Variants in C2orf49 observed in about 807,000 individuals in gnomAD.
The protein encoded by C2orf49 is tRNA splicing ligase complex subunit 2.
In C2orf49, 11 loss-of-function variants were observed where a neutral mutation model predicts 20.6. The observed-to-expected ratio is 0.53, with a 90% CI of 0.34 to 0.88. C2orf49 has a LOEUF of 0.88. Ranked by LOEUF, C2orf49 falls within the 40% of genes least tolerant of loss-of-function variation. The pLI, the probability that C2orf49 is intolerant of heterozygous loss-of-function variation, is 0.02. For missense variants in C2orf49, 289 were observed against 274.2 expected (o/e 1.05, Z -0.38); for synonymous variants, 134 against 108.5 (o/e 1.24, Z -1.46).
chr2:105,355,085 C>T, the C2orf49 span, among the ~76,000 whole-genome samples: 1 of 152,182 alleles, frequency 6.6e-6, no homozygotes, highest in African/African-American at 2.4e-5. Context: ...GAAGTCAAAT[C>T]TCTGAGTGTT....
chr2:105,383,226 C>T, the C2orf49 span, among the ~76,000 whole-genome samples: 63,083 of 152,046 alleles, frequency 0.41, 13,328 homozygotes, highest in East Asian at 0.51. Context: ...AAGCCCAGAA[C>T]GTAGGCAGAT....
chr2:105,350,916 T>A (rs549268221), downstream of C2orf49, among the ~76,000 whole-genome samples: 112 of 152,318 alleles, frequency 7.4e-4, 2 homozygotes, highest in African/African-American at 2.4e-3. Flanking sequence ...TTTCTGAGTT[T>A]TTCCCTAATA....
chr2:105,369,467 A>C, the C2orf49 span, among the ~76,000 whole-genome samples: 1 of 152,222 alleles, frequency 6.6e-6, no homozygotes, highest in East Asian at 1.9e-4. Flanking sequence ...AAGACCAGAC[A>C]TTTGAGATTA....
chr2:105,384,858 A>G, the C2orf49 span, among the ~76,000 whole-genome samples: 1 of 152,156 alleles, frequency 6.6e-6, no homozygotes, highest in Non-Finnish European at 1.5e-5. Flanking sequence ...AGGGTCAAGT[A>G]ACTGACCCAA....
At chr2:105,356,795 A>G in the C2orf49 span, among the ~76,000 whole-genome samples, 1 of 152,254 alleles carries the variant, frequency 6.6e-6, no homozygotes. Flanking sequence ...GAGTTTTCTC[A>G]TTATCTTTGG....
At chr2:105,360,056 G>T in the C2orf49 span, 2 of 152,438 alleles carry the variant, frequency 1.3e-5, no homozygotes, top group Admixed American at 6.5e-5. Context: ...TATAATCCCA[G>T]CACTTTGGGG....
chr2:105,363,780 A>G, the C2orf49 span, among the ~76,000 whole-genome samples: 1 of 152,186 alleles, frequency 6.6e-6, no homozygotes, highest in East Asian at 1.9e-4. Context: ...TGAGCAGGGA[A>G]GCAGCACAGT....
At chr2:105,362,567 C>T in the C2orf49 span, among the ~76,000 whole-genome samples, 2 of 152,216 alleles carry the variant, frequency 1.3e-5, no homozygotes, top group African/African-American at 2.4e-5. Flanking sequence ...CTGAATGCAA[C>T]GGGATTGCAA....
At chr2:105,382,973 C>T in the C2orf49 span, among the ~76,000 whole-genome samples, 1 of 152,212 alleles carries the variant, frequency 6.6e-6, no homozygotes, top group Non-Finnish European at 1.5e-5. Context: ...GCAACCTCTA[C>T]CTTCCAGGTT....
In C2orf49 at chr2:105,343,148, G is replaced by T. The variant is rs746030963; in HGVS notation, c.567G>T (p.Ser189=). The change falls in exon 3 of 4, where the codon TCG becomes TCT. Residue 189 remains serine, a synonymous_variant. Coordinates refer to ENST00000258457, the MANE Select transcript of C2orf49 (RefSeq NM_024093.3). ...HRKSPSGPVK[S]PPLSPVGTTP... ...AAAGTCCTTCAGGCCCTGTGAAGTC[G>T]CCACCATTGTCCCCTGTTGGAACTA... 1 of 1,614,068 alleles carries T rather than the reference G, an allele frequency of 6.2e-7. No individual in the cohort carries two copies. The highest frequency in any genetic ancestry group is 2.2e-5 in the East Asian group (1 of 44,884).
the C2orf49 span, among the ~76,000 whole-genome samples, chr2:105,372,677 T>C: frequency 6.6e-6 from 1 of 152,112 alleles, no homozygotes; most frequent in Non-Finnish European, 1.5e-5. Flanking sequence ...TAGTCTCAGC[T>C]ACTTAGGAGG....
rs1390382705 is a variant in C2orf49, at chr2:105,346,520, G to C, written c.*1149G>C. ...TTGATTTAAAAAGTCTTCAGGCAGA[G>C]TAATCATGTTAGAGGTGGTATTCGA... On this transcript the variant is annotated 3_prime_UTR_variant, in exon 4 of 4. Transcript: ENST00000258457. 6.6e-6 allele frequency: 1 copy of C among 152,228 alleles called. No individual in the cohort carries two copies. The highest frequency in any genetic ancestry group is 1.5e-5 in the Non-Finnish European group (1 of 68,046). 9.4% of individuals were successfully genotyped at this position (152,228 alleles called of 1,614,324 possible).
intron 1 of C2orf49, 76 bp downstream of exon 1, chr2:105,337,762 T>C (rs1679541975): frequency 7.4e-7 from 1 of 1,345,422 alleles, no homozygotes; most frequent in East Asian, 2.5e-5. Context: ...TTGCCTTAAG[T>C]AGCCCTCGGC....
chr2:105,341,234 GC>G (rs1454419013), intron 2 of C2orf49, among the ~76,000 whole-genome samples: 2 of 152,288 alleles, frequency 1.3e-5, no homozygotes, highest in African/African-American at 4.8e-5. Context: ...GTTCTAGTAA[GC>G]AAAACTTTAT....
the C2orf49 span, among the ~76,000 whole-genome samples, chr2:105,373,198 G>C: frequency 6.6e-6 from 1 of 152,222 alleles, no homozygotes; most frequent in Non-Finnish European, 1.5e-5. Flanking sequence ...TGAAATAACT[G>C]AATGAGTACA....
the C2orf49 span, chr2:105,376,309 C>G: frequency 1.3e-5 from 2 of 152,156 alleles, 1 homozygote; most frequent in South Asian, 4.1e-4. Flanking sequence ...GTCTGTGTTA[C>G]TCTTTGCTTT....
the C2orf49 span, chr2:105,373,578 G>A: frequency 2.5e-6 from 4 of 1,614,080 alleles, no homozygotes; most frequent in African/African-American, 2.7e-5. Flanking sequence ...TGGTCTTCTT[G>A]CATTCCTGGC....
At chr2:105,369,930 C>T in the C2orf49 span, among the ~76,000 whole-genome samples, 1 of 152,226 alleles carries the variant, frequency 6.6e-6, no homozygotes, top group African/African-American at 2.4e-5. Context: ...GGCATGGCGA[C>T]AGCAGTGGCC....
chr2:105,351,506 C>A (rs1176010088), downstream of C2orf49, among the ~76,000 whole-genome samples: 3 of 152,090 alleles, frequency 2.0e-5, no homozygotes, highest in African/African-American at 4.8e-5. Flanking sequence ...CAGTATGACT[C>A]ATGGATACTT....
Sources: gnomAD v4.1 joint callset for allele counts (sites outside exome capture counted in the v4.1 genomes callset) on GRCh38, gnomAD v4.1.1 for gene constraint, MANE v1.5 for transcripts, NCBI Gene and HGNC (gene_info 2026-07-23, HGNC 2026-07-21) for gene names.